Variants in MCAM observed in about 807,000 individuals in gnomAD.
MCAM encodes cell surface glycoprotein MUC18.
In MCAM, 55 loss-of-function variants were observed where a neutral mutation model predicts 79.1. That is an observed-to-expected ratio of 0.70 (90% CI 0.56 to 0.87). The LOEUF is 0.87. Ranked by LOEUF, MCAM falls within the 40% of genes least tolerant of loss-of-function variation. The pLI, the probability that MCAM is intolerant of heterozygous loss-of-function variation, is 0.00. For missense variants in MCAM, 745 were observed against 839.8 expected (o/e 0.89, Z 1.40); for synonymous variants, 330 against 339.8 (o/e 0.97, Z 0.32).
rs1255106049 is a variant in MCAM at position 119,314,502 on chromosome 11, C to T, written c.546G>A (p.Lys182=). ...AGGGCTACTCACGGTTCTTCTCCTC[C>T]TTCAGAGGCCGGCCATTCTTGTACC... The part of the protein sequence containing the change: ...VIWYKNGRPL[K]EEKNRVHIQS... The change falls in exon 5 of 16, where the codon AAG becomes AAA. Residue 182 remains lysine (K), a synonymous_variant. Transcript: ENST00000264036. 2 of 1,613,816 alleles carry T rather than the reference C, an allele frequency of 1.2e-6. No individual in the cohort carries two copies. The highest frequency in any genetic ancestry group is 1.7e-6 in the Non-Finnish European group (2 of 1,179,942).
rs977717260 is a variant in MCAM at position 119,317,001 on chromosome 11, AGCCGGG to A, written c.67+28_67+33del. The stretch of plus-strand genomic sequence containing the variant: ...CTGGCACGCTCCACCGCAGACCCCT[AGCCGGG>A]GCGCGGCCCCCCTGCGAGCGAACTC... On this transcript the variant is annotated intron_variant, in intron 1 of 15. Transcript: ENST00000264036. This position sits in a 1 kb window ranked among gnomAD's most constrained non-coding sequence, Gnocchi z 6.2. 2.0e-6 allele frequency: 3 copies of A among 1,515,140 alleles called. No individual in the cohort carries two copies. Among genetic ancestry groups the A allele is most frequent in the African/African-American group, 2.8e-5 (2 of 70,810 alleles). 93.9% of individuals were successfully genotyped at this position (1,515,140 alleles called of 1,614,324 possible).
At chr11:119,313,594 T>A (rs1021436620) in intron 5 of MCAM, 6 of 301,382 alleles carry the variant, frequency 2.0e-5, no homozygotes, top group African/African-American at 1.3e-4. Context: ...AGAGATGGGG[T>A]TTCTCCGTGT....
At position 119,315,268 on chromosome 11, in the gene MCAM, G is replaced by A. The variant is rs1046856880; in HGVS notation, c.68-5C>T. 1 of 1,606,726 alleles carries A rather than the reference G, an allele frequency of 6.2e-7. No homozygotes were observed. The highest frequency in any genetic ancestry group is 1.3e-5 in the African/African-American group (1 of 74,952). ...GCTCAGCCTCTCCGGGCACACCTGG[G>A]GGAGGGAGGCGGGGCCCCCGCAGCT... is the stretch of plus-strand genomic sequence containing the variant. On this transcript the variant is annotated splice_region_variant and splice_polypyrimidine_tract_variant and intron_variant, in intron 1 of 15. Coordinates refer to ENST00000264036, the MANE Select transcript of MCAM (RefSeq NM_006500.3). The surrounding 1 kb of genome is among the most constrained non-coding windows in gnomAD (Gnocchi z 4.4).
rs528808258 is a variant in MCAM at position 119,310,455 on chromosome 11, G to A, written c.1805C>T (p.Pro602Leu). 6.8e-6 allele frequency: 11 copies of A among 1,609,392 alleles called. No individual in the cohort carries two copies. The highest frequency in any genetic ancestry group is 1.7e-5 in the Admixed American group (1 of 60,004). ...AACTACAAGTTCGCTCTTACGAGACGGGGGTAGCGTGCTGGGAGGAGGGAG... is the reference window on the plus strand; with the variant it reads ...AACTACAAGTTCGCTCTTACGAGACAGGGGTAGCGTGCTGGGAGGAGGGAG... ...RSGKQEITLP[P>L]SRKSELVVEV... The change falls in exon 15 of 16, where the codon CCG (proline) becomes CTG (leucine). Residue 602 changes from proline (P) to leucine (L), a missense_variant. Pro to Leu is a moderately conservative substitution (Grantham distance 98). Coordinates refer to ENST00000264036, the MANE Select transcript of MCAM (RefSeq NM_006500.3).
rs769525973 is a variant in MCAM at position 119,311,668 on chromosome 11, G to A, written c.1286-17C>T. On this transcript the variant is annotated splice_polypyrimidine_tract_variant and intron_variant, in intron 10 of 15. Transcript: ENST00000264036. The surrounding 1 kb of genome is among the most constrained non-coding windows in gnomAD (Gnocchi z 4.4). ...AAGGGGGGCCTTGGGGAGGTAGGGA[G>A]AGGTGAGGTGGCAAGCCCAGCTAGC... The A allele has an allele frequency of 5.0e-6, 8 of 1,613,826 alleles. No individual in the cohort carries two copies. In the Admixed American group the frequency reaches 1.3e-4, roughly 27 times the overall value.
chr11:119,310,276 G>T, intron 15 of MCAM, 73 bp downstream of exon 15: 2 of 988,628 alleles, frequency 2.0e-6, no homozygotes, highest in Non-Finnish European at 3.2e-6. Context: ...GAAGGATAGA[G>T]AGAACCGTTA....
rs1433632299 is a variant in MCAM, at chr11:119,308,650, A to G, written c.*1236T>C. 6.6e-6 allele frequency: 1 copy of G among 152,056 alleles called. No individual in the cohort carries two copies. Among genetic ancestry groups the G allele is most frequent in the African/African-American group, 2.4e-5 (1 of 41,400 alleles). The allele number at this position is 152,056 out of a possible 1,614,324, so 9.4% of individuals were successfully genotyped here. A position where few individuals can be genotyped will look rare whatever the true frequency, so the allele number is the denominator to read the frequency against. ...ACCTGACAAAACCATATATACACACATATGTATGCATACACACAGACAGAC... is the reference window on the plus strand; with the variant it reads ...ACCTGACAAAACCATATATACACACGTATGTATGCATACACACAGACAGAC... On this transcript the variant is annotated 3_prime_UTR_variant, in exon 16 of 16. Transcript: ENST00000264036.
chr11:119,315,270 G>A lies in MCAM; in HGVS notation c.68-7C>T. 1 of 1,605,660 alleles carries A rather than the reference G, an allele frequency of 6.2e-7. No individual in the cohort carries two copies. Among genetic ancestry groups the A allele is most frequent in the Non-Finnish European group, 8.5e-7 (1 of 1,178,704 alleles). On this transcript the variant is annotated splice_region_variant and splice_polypyrimidine_tract_variant and intron_variant, in intron 1 of 15. Coordinates refer to ENST00000264036, the MANE Select transcript of MCAM (RefSeq NM_006500.3). This position sits in a 1 kb window ranked among gnomAD's most constrained non-coding sequence, Gnocchi z 4.4. ...TCAGCCTCTCCGGGCACACCTGGGG[G>A]AGGGAGGCGGGGCCCCCGCAGCTGT...
intron 14 of MCAM, 65 bp downstream of exon 14, chr11:119,310,691 C>A: frequency 1.3e-6 from 2 of 1,553,520 alleles, no homozygotes; most frequent in Non-Finnish European, 1.8e-6. Flanking sequence ...GGCAGGCGGG[C>A]GCTGGGCAGG....
chr11:119,312,392 T>C lies in MCAM; in HGVS notation c.898A>G (p.Asn300Asp), dbSNP rs1252845152. The stretch of plus-strand genomic sequence containing the variant: ...TCCAGCACCAGGACCCCGTTGTCGT[T>C]GGTTGTCTCTTCCTCTGCCTCCCTG... ...STREAEEETTNDNGVLVLEPA... is the reference protein window; with the variant it reads ...STREAEEETTDDNGVLVLEPA... The change falls in exon 8 of 16, where the codon AAC (asparagine) becomes GAC (aspartate). Residue 300 changes from asparagine to aspartate, a missense_variant. Asn to Asp is a conservative substitution (Grantham distance 23). Transcript: ENST00000264036. The surrounding 1 kb of genome is among the most constrained non-coding windows in gnomAD (Gnocchi z 4.9). 1 of 1,613,982 alleles carries C rather than the reference T, an allele frequency of 6.2e-7. No individual in the cohort carries two copies. Among genetic ancestry groups the C allele is most frequent in the Admixed American group, 1.7e-5 (1 of 60,020 alleles).
In MCAM at chr11:119,315,521, T is replaced by C. The variant is rs1591288371; in HGVS notation, c.68-258A>G. The C allele has an allele frequency of 1.6e-5, 8 of 486,098 alleles. No individual in the cohort carries two copies. The South Asian group carries it at 1.8e-4, about 11-fold the overall frequency. 30.1% of individuals were successfully genotyped at this position (486,098 alleles called of 1,614,324 possible). ...ACCGAACAGCTCCAGCTGAGGCTGG[T>C]AGAGGGGCAGAAAGGGGCAACCTAG... On this transcript the variant is annotated intron_variant, in intron 1 of 15. Transcript: ENST00000264036. The surrounding 1 kb of genome is among the most constrained non-coding windows in gnomAD (Gnocchi z 4.4).
At position 119,311,054 on chromosome 11, in the gene MCAM, T is replaced by C; in HGVS notation, c.1645+36A>G. Reference sequence around the variant, plus strand: ...GAGGGACAGGGCAGAAAGGATGCCCTGGCACAGCCCTGTTCTCTTGCCAGG... The same window carrying C: ...GAGGGACAGGGCAGAAAGGATGCCCCGGCACAGCCCTGTTCTCTTGCCAGG... On this transcript the variant is annotated intron_variant, in intron 13 of 15. Coordinates refer to ENST00000264036, the MANE Select transcript of MCAM (RefSeq NM_006500.3). This position sits in a 1 kb window ranked among gnomAD's most constrained non-coding sequence, Gnocchi z 4.4. 1 of 1,614,210 alleles carries C rather than the reference T, an allele frequency of 6.2e-7. No individual in the cohort carries two copies. Among genetic ancestry groups the C allele is most frequent in the Non-Finnish European group, 8.5e-7 (1 of 1,180,012 alleles).
chr11:119,309,024 T>G lies in MCAM; in HGVS notation c.*862A>C, dbSNP rs983617857. ...TCTCGCTGTGTTGCCCAGGCTGGAG[T>G]GCAGTGGCACGGTCTCGGCTCACTG... is the stretch of plus-strand genomic sequence containing the variant. On this transcript the variant is annotated 3_prime_UTR_variant, in exon 16 of 16. Coordinates refer to ENST00000264036, the MANE Select transcript of MCAM (RefSeq NM_006500.3). 1 of 152,144 alleles carries G rather than the reference T, an allele frequency of 6.6e-6. No individual in the cohort carries two copies. Among genetic ancestry groups the G allele is most frequent in the African/African-American group, 2.4e-5 (1 of 41,402 alleles). The allele number at this position is 152,144 out of a possible 1,614,324, so 9.4% of individuals were successfully genotyped here.
chr11:119,312,226 C>A lies in MCAM; in HGVS notation c.1024+40G>T, dbSNP rs1231212467. The A allele has an allele frequency of 5.6e-6, 9 of 1,612,666 alleles. No homozygotes were observed. Among genetic ancestry groups the A allele is most frequent in the Middle Eastern group, 1.7e-4 (1 of 6,054 alleles). On this transcript the variant is annotated intron_variant, in intron 8 of 15. Coordinates refer to ENST00000264036, the MANE Select transcript of MCAM (RefSeq NM_006500.3). This position sits in a 1 kb window ranked among gnomAD's most constrained non-coding sequence, Gnocchi z 4.9. ...CAGGGTGGGGCCAGTTCCCTATTGCCCCAGCCTGGTCCCCCTGTCCTGGGT... is the reference window on the plus strand; with the variant it reads ...CAGGGTGGGGCCAGTTCCCTATTGCACCAGCCTGGTCCCCCTGTCCTGGGT...
chr11:119,314,150 T>C lies in MCAM; in HGVS notation c.559+339A>G, dbSNP rs982981975. The C allele has an allele frequency of 1.1e-5, 6 of 557,534 alleles. No individual in the cohort carries two copies. In the African/African-American group the frequency reaches 1.2e-4, roughly 11 times the overall value. The allele number at this position is 557,534 out of a possible 1,614,324, so 34.5% of individuals were successfully genotyped here. On this transcript the variant is annotated intron_variant, in intron 5 of 15. Transcript: ENST00000264036. The stretch of plus-strand genomic sequence containing the variant: ...AAAATATAAGGCAGTTCCTGTGTAG[T>C]ACCATAGGGACAGCTCTTTTTAAGA...
chr11:119,314,756 G>A lies in MCAM; in HGVS notation c.401-7C>T. 1 of 1,613,644 alleles carries A rather than the reference G, an allele frequency of 6.2e-7. No individual in the cohort carries two copies. The highest frequency in any genetic ancestry group is 8.5e-7 in the Non-Finnish European group (1 of 1,179,874). On this transcript the variant is annotated splice_polypyrimidine_tract_variant and splice_region_variant and intron_variant, in intron 3 of 15. Transcript: ENST00000264036. ...TTTGGCTCCTCCGGAGCTTCTACAA[G>A]AAAATAGAAATGAGGGGGACATCTG...
Position 119,316,938 on chromosome 11 carries a change from G to C in MCAM, c.67+97C>G, listed in dbSNP as rs1320865907. On this transcript the variant is annotated intron_variant, in intron 1 of 15. Transcript: ENST00000264036. The surrounding 1 kb of genome is among the most constrained non-coding windows in gnomAD (Gnocchi z 4.8). ...AGGGAGGAGGCTCGTCCTCCCAGAC[G>C]CAACGCCCCGACCCCGCCGCGCCGC... 1.1e-5 allele frequency: 12 copies of C among 1,090,836 alleles called. No homozygotes were observed. Among genetic ancestry groups the C allele is most frequent in the Non-Finnish European group, 1.2e-5 (9 of 780,030 alleles). The allele number at this position is 1,090,836 out of a possible 1,614,324, so 67.6% of individuals were successfully genotyped here. A position where few individuals can be genotyped will look rare whatever the true frequency, so the allele number is the denominator to read the frequency against.
Position 119,315,163 on chromosome 11 carries a change from G to A in MCAM, c.168C>T (p.Asn56=), listed in dbSNP as rs758032103. 5.0e-6 allele frequency: 8 copies of A among 1,613,440 alleles called. No homozygotes were observed. In the African/African-American group the frequency reaches 9.3e-5, roughly 19 times the overall value. ...CAGAAAACCAGTCGACATGGCTGAG[G>A]TTGCCTTGGGACTGGGAGAGGCCGC... is the stretch of plus-strand genomic sequence containing the variant. ...LKCGLSQSQG[N]LSHVDWFSVH... is the part of the protein sequence containing the mutation. The change falls in exon 2 of 16, where the codon AAC becomes AAT. Residue 56 remains asparagine (N), a synonymous_variant. Transcript: ENST00000264036. This position sits in a 1 kb window ranked among gnomAD's most constrained non-coding sequence, Gnocchi z 4.4.
At position 119,316,928 on chromosome 11, in the gene MCAM, C is replaced by T; in HGVS notation, c.67+107G>A. On this transcript the variant is annotated intron_variant, in intron 1 of 15. Transcript: ENST00000264036. This position sits in a 1 kb window ranked among gnomAD's most constrained non-coding sequence, Gnocchi z 4.8. Reference sequence around the variant, plus strand: ...TCGGGGACCCAGGGAGGAGGCTCGTCCTCCCAGACGCAACGCCCCGACCCC... The same window carrying T: ...TCGGGGACCCAGGGAGGAGGCTCGTTCTCCCAGACGCAACGCCCCGACCCC... The T allele has an allele frequency of 2.1e-6, 2 of 950,732 alleles. No individual in the cohort carries two copies. Among genetic ancestry groups the T allele is most frequent in the Non-Finnish European group, 3.0e-6 (2 of 664,170 alleles). The allele number at this position is 950,732 out of a possible 1,614,324, so 58.9% of individuals were successfully genotyped here.
Sources: allele counts gnomAD v4.1 joint callset, GRCh38; gene constraint gnomAD v4.1.1; non-coding constraint Gnocchi (gnomAD v3.1); transcripts MANE v1.5; gene names NCBI Gene and HGNC (gene_info 2026-07-23, HGNC 2026-07-21).